EGFL8: variants seen among roughly 807,000 people sequenced by gnomAD.
EGFL8 encodes EGF like domain multiple 8.
In EGFL8, 32 loss-of-function variants were observed where a neutral mutation model predicts 39.4. That is an observed-to-expected ratio of 0.81 (90% CI 0.61 to 1.09). The LOEUF is 1.09. Ranked by LOEUF, EGFL8 falls within the 50% of genes least tolerant of loss-of-function variation. The probability of loss-of-function intolerance (pLI) is 0.00; values close to 1 mark genes in which losing one functional copy is unlikely to be tolerated. For synonymous variants in EGFL8, 177 were observed against 168.5 expected (o/e 1.05, Z -0.39); for missense variants, 385 against 402.2 (o/e 0.96, Z 0.37).
Position 32,167,732 on chromosome 6 carries a change from CCT to C in EGFL8, c.835+79_835+80del, listed in dbSNP as rs1180113376. 3 of 1,552,894 alleles carry C rather than the reference CCT, an allele frequency of 1.9e-6. No individual in the cohort carries two copies. Among genetic ancestry groups the C allele is most frequent in the Non-Finnish European group, 2.6e-6 (3 of 1,145,590 alleles). On this transcript the variant is annotated intron_variant, in intron 8 of 8. Transcript: ENST00000333845. The surrounding 1 kb of genome is among the most constrained non-coding windows in gnomAD (Gnocchi z 6.4). Reference sequence around the variant, plus strand: ...AAGACCCCTCTCCATTCAGGCATTCCCTCTTTCCTCCAAGCCCCTCTCCAACA... The same window carrying C: ...AAGACCCCTCTCCATTCAGGCATTCCCTTTCCTCCAAGCCCCTCTCCAACA...
Position 32,166,578 on chromosome 6 carries a change from A to T in EGFL8, c.182A>T (p.Tyr61Phe), listed in dbSNP as rs1278900832. 1 of 1,614,022 alleles carries T rather than the reference A, an allele frequency of 6.2e-7. No individual in the cohort carries two copies. The highest frequency in any genetic ancestry group is 1.3e-5 in the African/African-American group (1 of 74,898). The change falls in exon 3 of 9, where the codon TAC (tyrosine) becomes TTC (phenylalanine). Residue 61 changes from tyrosine to phenylalanine, a missense_variant. Tyr to Phe is a conservative substitution (Grantham distance 22, BLOSUM62 3). Coordinates refer to ENST00000333845, the MANE Select transcript of EGFL8 (RefSeq NM_030652.4). This position sits in a 1 kb window ranked among gnomAD's most constrained non-coding sequence, Gnocchi z 7.3. ...TACAGCCAACCAGTGTACAAGCCCT[A>T]CCTGACCTTGTGCGCTGGGAGGCGC... is the stretch of plus-strand genomic sequence containing the variant. ...ESYSQPVYKP[Y>F]LTLCAGRRIC...
Position 32,166,409 on chromosome 6 carries a change from CAGT to C in EGFL8, c.102-86_102-84del. On this transcript the variant is annotated intron_variant, in intron 2 of 8. Coordinates refer to ENST00000333845, the MANE Select transcript of EGFL8 (RefSeq NM_030652.4). This position sits in a 1 kb window ranked among gnomAD's most constrained non-coding sequence, Gnocchi z 7.3. ...CATCTGGAGGGAGAGCGGGGGGCCT[CAGT>C]AGCCTCTTGAGGGAAGTGGGACTCC... is the stretch of plus-strand genomic sequence containing the variant. The C allele has an allele frequency of 6.2e-7, 1 of 1,605,428 alleles. No homozygotes were observed. Among genetic ancestry groups the C allele is most frequent in the Non-Finnish European group, 8.5e-7 (1 of 1,174,104 alleles).
chr6:32,165,831 T>C, intron 1 of EGFL8: 14 of 435,176 alleles, frequency 3.2e-5, no homozygotes. Context: ...AGGAGGGTCA[T>C]AAGGGGAGGG....
At position 32,167,564 on chromosome 6, in the gene EGFL8, A is replaced by C. The variant is rs773834181; in HGVS notation, c.743A>C (p.Gln248Pro). Reference sequence around the variant, plus strand: ...CTGCCCGTGCCGCCTGAAGAGCTGCAGCCAGAACAGGTGGCTGAGCTGTGG... The same window carrying C: ...CTGCCCGTGCCGCCTGAAGAGCTGCCGCCAGAACAGGTGGCTGAGCTGTGG... ...AVLPVPPEEL[Q>P]PEQVAELWGR... is the part of the protein sequence containing the mutation. Residue 248 changes from glutamine to proline, a missense_variant, in exon 8 of 9, where the codon CAG becomes CCG. Physicochemically the swap from Gln to Pro is moderately conservative, Grantham distance 76. Coordinates refer to ENST00000333845, the MANE Select transcript of EGFL8 (RefSeq NM_030652.4). The surrounding 1 kb of genome is among the most constrained non-coding windows in gnomAD (Gnocchi z 6.4). The C allele has an allele frequency of 6.2e-7, 1 of 1,610,324 alleles. No individual in the cohort carries two copies. Among genetic ancestry groups the C allele is most frequent in the East Asian group, 2.2e-5 (1 of 44,882 alleles).
chr6:32,167,395 A>C lies in EGFL8; in HGVS notation c.647A>C (p.His216Pro). The C allele has an allele frequency of 6.2e-7, 1 of 1,613,074 alleles. No homozygotes were observed. Residue 216 changes from histidine to proline, a missense_variant, in exon 7 of 9, where the codon CAC becomes CCC. Physicochemically the swap from His to Pro is moderately conservative, Grantham distance 77. Coordinates refer to ENST00000333845, the MANE Select transcript of EGFL8 (RefSeq NM_030652.4). The surrounding 1 kb of genome is among the most constrained non-coding windows in gnomAD (Gnocchi z 6.4). The part of the protein sequence containing the change: ...KDERALKQEI[H>P]ELRGRLERLE... ...GAGCGCGCTCTGAAGCAGGAGATTCACGAGCTGCGAGGGCGCCTGGAGCGG... is the reference window on the plus strand; with the variant it reads ...GAGCGCGCTCTGAAGCAGGAGATTCCCGAGCTGCGAGGGCGCCTGGAGCGG...
Position 32,166,613 on chromosome 6 carries a change from A to ACT in EGFL8, c.218_219dup (p.Tyr74LeufsTer13). 1 of 1,614,170 alleles carries ACT rather than the reference A, an allele frequency of 6.2e-7. No individual in the cohort carries two copies. Among genetic ancestry groups the ACT allele is most frequent in the African/African-American group, 1.3e-5 (1 of 75,034 alleles). ...GTGCGCTGGGAGGCGCATCTGCAGC[A>ACT]CTTACAGGTGAGGGATGGGGAGATG... On this transcript the variant is annotated frameshift_variant, in exon 3 of 9. Transcript: ENST00000333845. LOFTEE classifies it high-confidence loss of function. The surrounding 1 kb of genome is among the most constrained non-coding windows in gnomAD (Gnocchi z 7.3).
In EGFL8 at chr6:32,167,341, T is replaced by C. The variant is rs1266342715; in HGVS notation, c.602-9T>C. On this transcript the variant is annotated splice_polypyrimidine_tract_variant and intron_variant, in intron 6 of 8. Transcript: ENST00000333845. This position sits in a 1 kb window ranked among gnomAD's most constrained non-coding sequence, Gnocchi z 6.4. ...TAGTGGTCACACTCTTGGTCTCCTT[T>C]GTCCCTAGTTCGGGAGGCGGAAAAA... 2 of 1,612,922 alleles carry C rather than the reference T, an allele frequency of 1.2e-6. No individual in the cohort carries two copies. Among genetic ancestry groups the C allele is most frequent in the Non-Finnish European group, 1.7e-6 (2 of 1,180,038 alleles).
Position 32,166,372 on chromosome 6 carries a change from G to T in EGFL8, c.101+106G>T, listed in dbSNP as rs1784483034. ...ACATAACTGTAAGTTTAGAATGGGGGTGAGAGGCTGTCATCTGGAGGGAGA... is the reference window on the plus strand; with the variant it reads ...ACATAACTGTAAGTTTAGAATGGGGTTGAGAGGCTGTCATCTGGAGGGAGA... On this transcript the variant is annotated intron_variant, in intron 2 of 8. Transcript: ENST00000333845. The surrounding 1 kb of genome is among the most constrained non-coding windows in gnomAD (Gnocchi z 7.3). 6.4e-7 allele frequency: 1 copy of T among 1,566,118 alleles called. No homozygotes were observed. Among genetic ancestry groups the T allele is most frequent in the South Asian group, 1.1e-5 (1 of 87,442 alleles).
chr6:32,167,226 C>T lies in EGFL8; in HGVS notation c.570C>T (p.Pro190=), dbSNP rs1398946236. 3.7e-6 allele frequency: 6 copies of T among 1,612,408 alleles called. No individual in the cohort carries two copies. In the African/African-American group the frequency reaches 4.0e-5, roughly 11 times the overall value. ...GRTCMEGSPE[P]PTSASILSVA... is the part of the protein sequence containing the mutation. ...CCTGCATGGAGGGGTCCCCAGAGCC[C>T]CCAACCAGTGCCAGCATACTCAGCG... is the stretch of plus-strand genomic sequence containing the variant. Residue 190 remains proline, a synonymous_variant, in exon 6 of 9, where the codon CCC becomes CCT. Coordinates refer to ENST00000333845, the MANE Select transcript of EGFL8 (RefSeq NM_030652.4). The surrounding 1 kb of genome is among the most constrained non-coding windows in gnomAD (Gnocchi z 6.4).
chr6:32,166,959 C>G lies in EGFL8; in HGVS notation c.384C>G (p.Asp128Glu). The change falls in exon 5 of 9, where the codon GAC becomes GAG. Residue 128 changes from aspartate (D) to glutamate (E), a missense_variant. Physicochemically the swap from Asp to Glu is conservative, Grantham distance 45. Coordinates refer to ENST00000333845, the MANE Select transcript of EGFL8 (RefSeq NM_030652.4). This position sits in a 1 kb window ranked among gnomAD's most constrained non-coding sequence, Gnocchi z 7.3. The stretch of plus-strand genomic sequence containing the variant: ...ACGGAGGCGTCTGCGTTAGGCCTGA[C>G]CAGTGCGAGTGCGCCCCCGGCTGGG... Reference protein sequence around the residue: ...CLNGGVCVRPDQCECAPGWGG... With the variant: ...CLNGGVCVRPEQCECAPGWGG... 1.2e-6 allele frequency: 2 copies of G among 1,613,272 alleles called. No individual in the cohort carries two copies. Among genetic ancestry groups the G allele is most frequent in the African/African-American group, 1.3e-5 (1 of 75,056 alleles).
chr6:32,164,733 C>T lies in EGFL8; in HGVS notation c.-29+76C>T. The T allele has an allele frequency of 1.5e-6, 1 of 689,416 alleles. No homozygotes were observed. Among genetic ancestry groups the T allele is most frequent in the Non-Finnish European group, 2.7e-6 (1 of 368,208 alleles). The allele number at this position is 689,416 out of a possible 1,614,324, so 42.7% of individuals were successfully genotyped here. The stretch of plus-strand genomic sequence containing the variant: ...GGAAAGAGTGGGGTTTACTCAGAGC[C>T]TTAGGGTGGGCATGAGTTGCGGGGT... On this transcript the variant is annotated intron_variant, in intron 1 of 8. Coordinates refer to ENST00000333845, the MANE Select transcript of EGFL8 (RefSeq NM_030652.4). The surrounding 1 kb of genome is among the most constrained non-coding windows in gnomAD (Gnocchi z 5.4).
At position 32,166,107 on chromosome 6, in the gene EGFL8, C is replaced by T. The variant is rs774191537; in HGVS notation, c.-28-31C>T. 5.2e-6 allele frequency: 8 copies of T among 1,547,820 alleles called. No individual in the cohort carries two copies. Among genetic ancestry groups the T allele is most frequent in the Non-Finnish European group, 5.4e-6 (6 of 1,120,386 alleles). On this transcript the variant is annotated intron_variant, in intron 1 of 8. Coordinates refer to ENST00000333845, the MANE Select transcript of EGFL8 (RefSeq NM_030652.4). This position sits in a 1 kb window ranked among gnomAD's most constrained non-coding sequence, Gnocchi z 7.3. ...CTGGAGAAATTAATAGGAGAGGGGACGGGCATCCATTAACCTTTTCTTGCC... is the reference window on the plus strand; with the variant it reads ...CTGGAGAAATTAATAGGAGAGGGGATGGGCATCCATTAACCTTTTCTTGCC...
chr6:32,167,441 CTGCT>C lies in EGFL8; in HGVS notation c.681+13_681+16del, dbSNP rs773363676. 6.2e-7 allele frequency: 1 copy of C among 1,612,732 alleles called. No individual in the cohort carries two copies. Among genetic ancestry groups the C allele is most frequent in the Non-Finnish European group, 8.5e-7 (1 of 1,180,034 alleles). ...AGCGGCTGGAGCAGGTGAGCCAAGC[CTGCT>C]GGGTGGGGCGAGGCCAGACGTCACT... On this transcript the variant is annotated intron_variant, in intron 7 of 8. Coordinates refer to ENST00000333845, the MANE Select transcript of EGFL8 (RefSeq NM_030652.4). This position sits in a 1 kb window ranked among gnomAD's most constrained non-coding sequence, Gnocchi z 6.4.
chr6:32,165,584 A>AG (rs1561830934), intron 1 of EGFL8: 1 of 151,690 alleles, frequency 6.6e-6, no homozygotes, highest in African/African-American at 2.4e-5. Context: ...ACCAAAAAAA[A>AG]AAAACCCTAG....
At position 32,166,594 on chromosome 6, in the gene EGFL8, T is replaced by G. The variant is rs762259856; in HGVS notation, c.198T>G (p.Ala66=). Residue 66 remains alanine, a synonymous_variant, in exon 3 of 9, where the codon GCT becomes GCG. Transcript: ENST00000333845. The surrounding 1 kb of genome is among the most constrained non-coding windows in gnomAD (Gnocchi z 7.3). The part of the protein sequence containing the change: ...PVYKPYLTLC[A]GRRICSTYRT... ...ACAAGCCCTACCTGACCTTGTGCGC[T>G]GGGAGGCGCATCTGCAGCACTTACA... is the stretch of plus-strand genomic sequence containing the variant. 6.2e-7 allele frequency: 1 copy of G among 1,614,160 alleles called. No individual in the cohort carries two copies. The highest frequency in any genetic ancestry group is 1.1e-5 in the South Asian group (1 of 91,086).
Position 32,166,685 on chromosome 6 carries a change from G to A in EGFL8, c.225-16G>A, listed in dbSNP as rs374168906. 1.4e-4 allele frequency: 225 copies of A among 1,613,090 alleles called. No homozygotes were observed. The highest frequency in any genetic ancestry group is 1.8e-4 in the Non-Finnish European group (213 of 1,179,444). Reference sequence around the variant, plus strand: ...GGACCCGTACTCAGGGTCCTGAGCCGGGCGCTGTGTTCCAGGACCATGTAC... The same window carrying A: ...GGACCCGTACTCAGGGTCCTGAGCCAGGCGCTGTGTTCCAGGACCATGTAC... On this transcript the variant is annotated splice_polypyrimidine_tract_variant and intron_variant, in intron 3 of 8. Coordinates refer to ENST00000333845, the MANE Select transcript of EGFL8 (RefSeq NM_030652.4). This position sits in a 1 kb window ranked among gnomAD's most constrained non-coding sequence, Gnocchi z 7.3.
In EGFL8 at chr6:32,166,554, A is replaced by G. The variant is rs1476850733; in HGVS notation, c.158A>G (p.Tyr53Cys). The G allele has an allele frequency of 1.2e-6, 2 of 1,614,066 alleles. No individual in the cohort carries two copies. The highest frequency in any genetic ancestry group is 8.5e-7 in the Non-Finnish European group (1 of 1,180,014). Residue 53 changes from tyrosine to cysteine, a missense_variant, in exon 3 of 9, where the codon TAC becomes TGC. Transcript: ENST00000333845. The surrounding 1 kb of genome is among the most constrained non-coding windows in gnomAD (Gnocchi z 7.3). Reference protein sequence around the residue: ...LVVPLHYNESYSQPVYKPYLT... With the variant: ...LVVPLHYNESCSQPVYKPYLT... ...GTCCCGCTCCACTACAACGAGTCCT[A>G]CAGCCAACCAGTGTACAAGCCCTAC...
rs773079852 is a variant in EGFL8, at chr6:32,166,956, T to A, written c.381T>A (p.Pro127=). 5.0e-6 allele frequency: 8 copies of A among 1,613,298 alleles called. No individual in the cohort carries two copies. Among genetic ancestry groups the A allele is most frequent in the Non-Finnish European group, 6.8e-6 (8 of 1,179,956 alleles). The part of the protein sequence containing the change: ...PCLNGGVCVR[P]DQCECAPGWG... ...TGAACGGAGGCGTCTGCGTTAGGCC[T>A]GACCAGTGCGAGTGCGCCCCCGGCT... The change falls in exon 5 of 9, where the codon CCT becomes CCA. Residue 127 remains proline, a synonymous_variant. Coordinates refer to ENST00000333845, the MANE Select transcript of EGFL8 (RefSeq NM_030652.4). The surrounding 1 kb of genome is among the most constrained non-coding windows in gnomAD (Gnocchi z 7.3).
At chr6:32,165,019 C>G (rs1784386156) in intron 1 of EGFL8, among the ~76,000 whole-genome samples, 1 of 151,954 alleles carries the variant, frequency 6.6e-6, no homozygotes, top group African/African-American at 2.4e-5. Context: ...TCAAGGGATT[C>G]TCCTGCCTCA....
Sources: allele counts gnomAD v4.1 joint callset (sites outside exome capture counted in the v4.1 genomes callset), GRCh38; gene constraint gnomAD v4.1.1; non-coding constraint Gnocchi (gnomAD v3.1); transcripts MANE v1.5; gene names NCBI Gene and HGNC (gene_info 2026-07-23, HGNC 2026-07-21).